The following BAHCC1 variants were observed in gnomAD, a reference collection of about 807,000 sequenced individuals.
The protein encoded by BAHCC1 is BAH domain and coiled-coil containing 1.
BAHCC1 carries 43 observed loss-of-function variants against 88.2 expected under a neutral mutation model. The observed-to-expected ratio is 0.49, with a 90% CI of 0.38 to 0.63. The LOEUF (loss-of-function observed/expected upper bound fraction) is 0.63. Among genes scored for constraint, BAHCC1 ranks in the 20% least tolerant of loss-of-function variants. The probability of loss-of-function intolerance (pLI) is 0.00; values close to 1 mark genes in which losing one functional copy is unlikely to be tolerated. For missense variants in BAHCC1, 3,023 were observed against 1,654.8 expected (o/e 1.83, Z -14.34); for synonymous variants, 1,510 against 745.5 (o/e 2.03, Z -16.71).
chr17:81,426,603 C>T (rs1320334057), intron 2 of BAHCC1, among the ~76,000 whole-genome samples, 197 bp from the exon 3 acceptor site: 1 of 151,958 alleles, frequency 6.6e-6, no homozygotes, highest in East Asian at 1.9e-4. Flanking sequence ...AGACTCAGGA[C>T]TCTGAGTGTG....
intron 11 of BAHCC1, chr17:81,451,307 C>T (rs1347284746): frequency 1.7e-5 from 4 of 240,380 alleles, no homozygotes; most frequent in Middle Eastern, 8.9e-4. Flanking sequence ...CCAGGGCTGC[C>T]GTTCGAAGCA....
At chr17:81,400,395 T>C (rs960739579) in intron 2 of BAHCC1, among the ~76,000 whole-genome samples, 4 of 152,182 alleles carry the variant, frequency 2.6e-5, no homozygotes, top group East Asian at 1.9e-4. Flanking sequence ...CGAGCGTTAA[T>C]AGGGACTGCT....
At chr17:81,446,118 C>G (rs2064522393) in intron 10 of BAHCC1, among the ~76,000 whole-genome samples, 2 of 152,142 alleles carry the variant, frequency 1.3e-5, no homozygotes, top group East Asian at 3.9e-4. Flanking sequence ...TGGCCTCGGC[C>G]CCTGCCACCC....
In BAHCC1 at chr17:81,443,025, G is replaced by A. The variant is rs371233060; in HGVS notation, c.1676G>A (p.Gly559Asp). ...HLMAAEVEQGGIGAEAKRKSL... is the reference protein window; with the variant it reads ...HLMAAEVEQGDIGAEAKRKSL... ...ATGGCCGCCGAGGTGGAGCAGGGGG[G>A]CATTGGGGCTGAGGCCAAGCGCAAG... Residue 559 changes from glycine (G) to aspartate (D), a missense_variant, in exon 5 of 28, where the codon GGC (glycine) becomes GAC (aspartate). Coordinates refer to ENST00000675386, the MANE Select transcript of BAHCC1 (RefSeq NM_001377448.1). 5 of 778,270 alleles carry A rather than the reference G, an allele frequency of 6.4e-6. No homozygotes were observed. Among genetic ancestry groups the A allele is most frequent in the South Asian group, 1.3e-5 (1 of 74,554 alleles). 48.2% of individuals were successfully genotyped at this position (778,270 alleles called of 1,614,324 possible).
At chr17:81,460,158 C>T (rs2030120325) in intron 23 of BAHCC1, 119 bp from the exon 24 acceptor site, 1 of 645,574 alleles carries the variant, frequency 1.5e-6, no homozygotes, top group Admixed American at 2.4e-5. Context: ...TCTGTGTGGT[C>T]AGGGAGCAGA....
rs367654428 is a variant in BAHCC1 at position 81,455,287 on chromosome 17, G to T, written c.4466G>T (p.Gly1489Val). ...KKVKAVRTSL[G>V]LLCAELRGGS... ...CCCAGGGCGGTGCGGACAAGCCTGG[G>T]TCTGCTGTGTGCGGAGCTGCGAGGA... The change falls in exon 15 of 28, where the codon GGT becomes GTT. Residue 1489 changes from glycine to valine, a missense_variant. Gly to Val is a moderately radical substitution (Grantham distance 109). Coordinates refer to ENST00000675386, the MANE Select transcript of BAHCC1 (RefSeq NM_001377448.1). The T allele has an allele frequency of 2.8e-6, 2 of 716,796 alleles. No homozygotes were observed. The highest frequency in any genetic ancestry group is 5.2e-6 in the Non-Finnish European group (2 of 385,328). The allele number at this position is 716,796 out of a possible 1,614,324, so 44.4% of individuals were successfully genotyped here.
intron 2 of BAHCC1, among the ~76,000 whole-genome samples, chr17:81,418,967 TGTGA>T (rs797030678): frequency 1.7e-4 from 25 of 151,314 alleles, no homozygotes; most frequent in East Asian, 3.9e-4. Context: ...TCTGTGCAAG[TGTGA>T]GTGTGTGCAA....
At position 81,452,126 on chromosome 17, in the gene BAHCC1, G is replaced by T. The variant is rs540057903; in HGVS notation, c.4316+19G>T. ...ACCATGAGTACGCCTGGCGTGGCGG[G>T]GGGGCCTGGGAGGGTCGCAGCACCC... is the stretch of plus-strand genomic sequence containing the variant. On this transcript the variant is annotated intron_variant, in intron 13 of 27. Coordinates refer to ENST00000675386, the MANE Select transcript of BAHCC1 (RefSeq NM_001377448.1). 8.3e-6 allele frequency: 5 copies of T among 599,908 alleles called. No individual in the cohort carries two copies. Among genetic ancestry groups the T allele is most frequent in the African/African-American group, 7.8e-5 (4 of 51,328 alleles). 37.2% of individuals were successfully genotyped at this position (599,908 alleles called of 1,614,324 possible). A position where few individuals can be genotyped will look rare whatever the true frequency, so the allele number is the denominator to read the frequency against.
At chr17:81,406,765 T>C (rs909743186) in intron 2 of BAHCC1, among the ~76,000 whole-genome samples, 2 of 152,068 alleles carry the variant, frequency 1.3e-5, no homozygotes, top group African/African-American at 4.8e-5. Context: ...GGGGATGTGG[T>C]GGCAGGCGCT....
chr17:81,431,821 A>T (rs2064264200), intron 3 of BAHCC1, among the ~76,000 whole-genome samples: 1 of 152,144 alleles, frequency 6.6e-6, no homozygotes, highest in South Asian at 2.1e-4. Context: ...GCTTTGGAGT[A>T]GGTGTACCCT....
At chr17:81,452,891 G>T in intron 14 of BAHCC1, 40 bp downstream of exon 14, 1 of 685,396 alleles carries the variant, frequency 1.5e-6, no homozygotes, top group Non-Finnish European at 2.6e-6. Flanking sequence ...GCGTGTGGCC[G>T]GCCCTGGGCC....
At position 81,461,380 on chromosome 17, in the gene BAHCC1, G is replaced by T; in HGVS notation, c.6717G>T (p.Arg2239=). The T allele has an allele frequency of 1.4e-6, 1 of 721,058 alleles. No homozygotes were observed. Among genetic ancestry groups the T allele is most frequent in the Non-Finnish European group, 2.6e-6 (1 of 391,924 alleles). 44.7% of individuals were successfully genotyped at this position (721,058 alleles called of 1,614,324 possible). Residue 2239 remains arginine (R), a synonymous_variant, in exon 26 of 28, where the codon CGG becomes CGT. Coordinates refer to ENST00000675386, the MANE Select transcript of BAHCC1 (RefSeq NM_001377448.1). ...AGGACTTCAGCCCCAAGCTCGGGCG[G>T]CCCCTGCCCAGCCCCAGCTATGTGC... is the stretch of plus-strand genomic sequence containing the variant. ...GDKDFSPKLG[R]PLPSPSYVHP...
chr17:81,462,549 C>G (rs77093479), intron 26 of BAHCC1, 191 bp from the exon 27 acceptor site: 92,728 of 579,878 alleles, frequency 0.16, 8,279 homozygotes, highest in East Asian at 0.3. Context: ...GGAGGCGTGG[C>G]CCCTGCTCCA....
chr17:81,418,344 G>C (rs1437311082), intron 2 of BAHCC1, among the ~76,000 whole-genome samples: 2 of 152,174 alleles, frequency 1.3e-5, no homozygotes, highest in Non-Finnish European at 2.9e-5. Context: ...GTGACCTGTT[G>C]GCTGCCCGCC....
chr17:81,404,931 CCT>C (rs1309959528), intron 2 of BAHCC1, among the ~76,000 whole-genome samples: 8 of 152,286 alleles, frequency 5.3e-5, no homozygotes, highest in East Asian at 1.9e-4. Context: ...TGGGGTGCCT[CCT>C]CTCTGCGGAC....
intron 2 of BAHCC1, among the ~76,000 whole-genome samples, chr17:81,420,373 G>A (rs2064102194): frequency 6.6e-6 from 1 of 152,150 alleles, no homozygotes; most frequent in South Asian, 2.1e-4. Flanking sequence ...GGCTCACTGG[G>A]CACCGAGACT....
In BAHCC1 at chr17:81,418,776, C is replaced by CAT. The variant is rs1568003189; in HGVS notation, c.179-8024_179-8023insAT. 3.9e-3 allele frequency among the ~76,000 whole-genome samples: 264 copies of CAT among 67,368 alleles called. 2 individuals carry two copies. The highest frequency in any genetic ancestry group is 0.014 in the African/African-American group (251 of 17,946). The allele number at this position is 67,368 out of a possible 152,430, so 44.2% of individuals were successfully genotyped here. On this transcript the variant is annotated intron_variant, in intron 2 of 27. Transcript: ENST00000675386. ...ACGTGTGTGTGTGTACGTGTGTGTA[C>CAT]GTGTGTGTGTACGTGTGTGCGTGTG... is the stretch of plus-strand genomic sequence containing the variant.
rs781952131 is a variant in BAHCC1, at chr17:81,411,514, GCCTTCCTT to G, written c.178+11650_178+11657del. 0.04 allele frequency: 7,383 copies of G among 182,818 alleles called. 172 individuals are homozygous for G. Among genetic ancestry groups the G allele is most frequent in the African/African-American group, 0.079 (1,483 of 18,866 alleles). 11.3% of individuals were successfully genotyped at this position (182,818 alleles called of 1,614,324 possible). On this transcript the variant is annotated intron_variant, in intron 2 of 27. Transcript: ENST00000675386. The surrounding 1 kb of genome is among the most constrained non-coding windows in gnomAD (Gnocchi z 6.2). ...TGCCTGCCTGCCTGCCTGCCTGCCT[GCCTTCCTT>G]CCTTCCTTCCTTCCTTCCTTCCTTC...
intron 3 of BAHCC1, among the ~76,000 whole-genome samples, chr17:81,428,917 C>T (rs1476118127): frequency 1.3e-5 from 2 of 152,232 alleles, no homozygotes; most frequent in South Asian, 2.1e-4. Context: ...CAAGTGTCGA[C>T]GTGAGCCCCT....
Sources: gnomAD v4.1 joint callset for allele counts (sites outside exome capture counted in the v4.1 genomes callset) on GRCh38, gnomAD v4.1.1 for gene constraint, Gnocchi (gnomAD v3.1) non-coding constraint, MANE v1.5 for transcripts, NCBI Gene and HGNC (gene_info 2026-07-23, HGNC 2026-07-21) for gene names.